Variants in EPHB1 observed in about 807,000 individuals in gnomAD.
EPHB1 encodes the protein ephrin type-B receptor 1.
A neutral mutation model predicts 94.4 loss-of-function variants in EPHB1; 30 were observed. The ratio of observed to expected loss-of-function variants is 0.32; its 90% CI spans 0.24 to 0.43. EPHB1 has a LOEUF of 0.43. Ranked by LOEUF, EPHB1 falls within the 20% of genes least tolerant of loss-of-function variation. The probability of loss-of-function intolerance (pLI) is 1.00; values close to 1 mark genes in which losing one functional copy is unlikely to be tolerated. For synonymous variants in EPHB1, 522 were observed against 489.1 expected (o/e 1.07, Z -0.89); for missense variants, 1,055 against 1,308.3 (o/e 0.81, Z 2.99).
intron 1 of EPHB1, among the ~76,000 whole-genome samples, chr3:134,922,788 A>T (rs2038714540): frequency 6.6e-6 from 1 of 152,186 alleles, no homozygotes; most frequent in Non-Finnish European, 1.5e-5. Flanking sequence ...TCAAAAGCCC[A>T]AGTCGGCCTT....
chr3:134,815,547 G>T (rs2036254068), intron 1 of EPHB1, among the ~76,000 whole-genome samples: 1 of 152,152 alleles, frequency 6.6e-6, no homozygotes, highest in Non-Finnish European at 1.5e-5. Context: ...GGGGTTTCTG[G>T]TTCCATTCAT....
chr3:135,076,608 A>G (rs925470752), intron 3 of EPHB1, among the ~76,000 whole-genome samples: 4 of 152,240 alleles, frequency 2.6e-5, no homozygotes, highest in African/African-American at 9.6e-5. Flanking sequence ...ACTCAAGAGA[A>G]TGAAAACATA....
At chr3:135,111,601 GTTTA>G (rs555491638) in intron 4 of EPHB1, among the ~76,000 whole-genome samples, 13 of 152,152 alleles carry the variant, frequency 8.5e-5, no homozygotes, top group Non-Finnish European at 1.9e-4. Flanking sequence ...GCGCATCTGT[GTTTA>G]TTTGAGTGGT....
chr3:135,071,792 A>G (rs1937724262), intron 3 of EPHB1, among the ~76,000 whole-genome samples: 1 of 152,188 alleles, frequency 6.6e-6, no homozygotes, highest in Non-Finnish European at 1.5e-5. Context: ...TGGGTGGCTA[A>G]TAGACATTTC....
At chr3:135,084,572 C>G (rs1360323814) in intron 3 of EPHB1, among the ~76,000 whole-genome samples, 4 of 152,140 alleles carry the variant, frequency 2.6e-5, no homozygotes, top group Non-Finnish European at 5.9e-5. Flanking sequence ...CAGATCGATG[C>G]ATCTAATCTA....
chr3:135,185,798 C>T (rs919928653), intron 10 of EPHB1, among the ~76,000 whole-genome samples: 7 of 152,172 alleles, frequency 4.6e-5, no homozygotes, highest in Non-Finnish European at 7.3e-5. Context: ...GCATTGCTTC[C>T]GATGGCATTT....
chr3:135,124,263 G>A (rs1940103344), intron 4 of EPHB1, among the ~76,000 whole-genome samples: 1 of 151,620 alleles, frequency 6.6e-6, no homozygotes, highest in African/African-American at 2.4e-5. Context: ...TGTCCAGATG[G>A]CCTCTGCTCT....
rs544035450 is a variant in EPHB1 at position 134,849,802 on chromosome 3, C to T, written c.58+54113C>T. Among the ~76,000 whole-genome samples, 41 of 152,296 alleles carry T rather than the reference C, an allele frequency of 2.7e-4. 1 individual carries two copies. In the South Asian group the frequency reaches 3.7e-3, roughly 14 times the overall value. On this transcript the variant is annotated intron_variant, in intron 1 of 15. Coordinates refer to ENST00000398015, the MANE Select transcript of EPHB1 (RefSeq NM_004441.5). ...GGCCACCCCAGAAAGACCTGTGGGT[C>T]GGGGTCTGTTACCCCGTTCTTAGAA...
chr3:135,185,198 T>C (rs1172778828), intron 10 of EPHB1, among the ~76,000 whole-genome samples: 1 of 152,122 alleles, frequency 6.6e-6, no homozygotes, highest in Non-Finnish European at 1.5e-5. Context: ...GTGAGAATAG[T>C]TGGGATGAGG....
intron 3 of EPHB1, among the ~76,000 whole-genome samples, chr3:135,074,754 A>T (rs534320404): frequency 6.6e-6 from 1 of 152,066 alleles, no homozygotes; most frequent in African/African-American, 2.4e-5. Flanking sequence ...GGGTGGCACT[A>T]TGTCATTATG....
chr3:135,133,764 T>G (rs961577900), intron 5 of EPHB1, among the ~76,000 whole-genome samples: 2 of 152,210 alleles, frequency 1.3e-5, no homozygotes, highest in African/African-American at 4.8e-5. Flanking sequence ...TTCTGAATCT[T>G]ACACTCTTCT....
intron 3 of EPHB1, among the ~76,000 whole-genome samples, chr3:135,106,052 T>C (rs918645094): frequency 2.0e-5 from 3 of 152,164 alleles, no homozygotes; most frequent in East Asian, 1.9e-4. Flanking sequence ...TAGGATGAGA[T>C]GTCTTTAGTG....
chr3:134,800,198 G>A (rs1200672950), intron 1 of EPHB1, among the ~76,000 whole-genome samples: 1 of 152,080 alleles, frequency 6.6e-6, no homozygotes, highest in African/African-American at 2.4e-5. Context: ...TTTCTTTGTT[G>A]AGTGGGTCAT....
chr3:135,251,868 T>G (rs1933117044), intron 15 of EPHB1, among the ~76,000 whole-genome samples: 1 of 152,142 alleles, frequency 6.6e-6, no homozygotes, highest in African/African-American at 2.4e-5. Context: ...GGAAATACAG[T>G]CAGGACCTTG....
At chr3:135,118,832 T>C (rs1214413641) in intron 4 of EPHB1, among the ~76,000 whole-genome samples, 1 of 152,174 alleles carries the variant, frequency 6.6e-6, no homozygotes, top group Non-Finnish European at 1.5e-5. Context: ...TTTGGGCCCA[T>C]TCAGTGTTTC....
intron 3 of EPHB1, among the ~76,000 whole-genome samples, chr3:134,993,889 A>C (rs1463815540): frequency 6.6e-6 from 1 of 152,130 alleles, no homozygotes; most frequent in Non-Finnish European, 1.5e-5. Flanking sequence ...CCCAGTTGTG[A>C]TGTAAACTGT....
At chr3:134,839,833 T>C (rs1284084692) in intron 1 of EPHB1, among the ~76,000 whole-genome samples, 2 of 152,174 alleles carry the variant, frequency 1.3e-5, no homozygotes, top group African/African-American at 4.8e-5. Context: ...GTGATTCTGC[T>C]GCATGCCCCA....
chr3:134,858,328 C>T (rs1214634814), intron 1 of EPHB1, among the ~76,000 whole-genome samples: 3 of 152,084 alleles, frequency 2.0e-5, no homozygotes, highest in African/African-American at 7.2e-5. Flanking sequence ...GATGCCAGTG[C>T]TTTGTATGTG....
intron 3 of EPHB1, among the ~76,000 whole-genome samples, chr3:135,005,680 G>C (rs1000710899): frequency 2.8e-4 from 42 of 152,336 alleles, no homozygotes; most frequent in East Asian, 1.5e-3. Flanking sequence ...TTTTAAGCCC[G>C]TCGGAAAAGC....
Sources: gnomAD v4.1 joint callset for allele counts (sites outside exome capture counted in the v4.1 genomes callset) on GRCh38, gnomAD v4.1.1 for gene constraint, MANE v1.5 for transcripts, NCBI Gene and HGNC (gene_info 2026-07-23, HGNC 2026-07-21) for gene names.